The following CALD1 variants were observed in gnomAD, a reference collection of about 807,000 sequenced individuals.
CALD1 encodes caldesmon 1.
Under a neutral mutation model 99.9 loss-of-function variants are expected in CALD1, and 33 were observed. The ratio of observed to expected loss-of-function variants is 0.33; its 90% CI spans 0.25 to 0.44. The LOEUF (loss-of-function observed/expected upper bound fraction) is 0.44, where lower values mean the gene tolerates loss of function less well. Among genes scored for constraint, CALD1 ranks in the 20% least tolerant of loss-of-function variants. CALD1 has a pLI of 1.00. For missense variants in CALD1, 861 were observed against 962.1 expected (o/e 0.89, Z 1.39); for synonymous variants, 310 against 325.0 (o/e 0.95, Z 0.50).
chr7:134,937,348 T>G (rs976839928), intron 6 of CALD1, among the ~76,000 whole-genome samples: 1 of 152,156 alleles, frequency 6.6e-6, no homozygotes, highest in African/African-American at 2.4e-5. Context: ...GAGTGAGCCC[T>G]GCCGTTTTCC....
the CALD1 span, among the ~76,000 whole-genome samples, chr7:134,739,186 A>G: frequency 6.6e-6 from 1 of 152,240 alleles, no homozygotes. Context: ...AGCAAAAACT[A>G]TATGGAAGAG....
chr7:134,930,281 T>G (rs1393807180), intron 4 of CALD1, among the ~76,000 whole-genome samples: 1 of 152,172 alleles, frequency 6.6e-6, no homozygotes, highest in Non-Finnish European at 1.5e-5. Flanking sequence ...ATTATGCTAA[T>G]GGTTAGTATA....
intron 3 of CALD1, among the ~76,000 whole-genome samples, chr7:134,897,181 T>C (rs1166514318): frequency 1.3e-5 from 2 of 152,166 alleles, no homozygotes; most frequent in Non-Finnish European, 2.9e-5. Context: ...TTCTAGTGAA[T>C]ACTGCTGTAC....
At chr7:134,792,743 G>C (rs979871437) in intron 1 of CALD1, among the ~76,000 whole-genome samples, 1 of 152,076 alleles carries the variant, frequency 6.6e-6, no homozygotes, top group Non-Finnish European at 1.5e-5. Context: ...ATGAATACTC[G>C]GGGGAGATAC....
chr7:134,724,953 T>G, the CALD1 span, among the ~76,000 whole-genome samples: 7 of 152,354 alleles, frequency 4.6e-5, no homozygotes, highest in East Asian at 1.3e-3. Context: ...GGCTGGCTTC[T>G]GCATCCTTCT....
chr7:134,955,887 A>T (rs1584669134), intron 9 of CALD1, among the ~76,000 whole-genome samples: 1 of 152,192 alleles, frequency 6.6e-6, no homozygotes, highest in Non-Finnish European at 1.5e-5. Flanking sequence ...GGATAAAAAT[A>T]GGATAGATGG....
intron 1 of CALD1, among the ~76,000 whole-genome samples, chr7:134,787,186 A>T (rs1013981167): frequency 6.6e-6 from 1 of 152,072 alleles, no homozygotes; most frequent in Non-Finnish European, 1.5e-5. Flanking sequence ...CAAAACCTTT[A>T]GTTTTGCTTT....
chr7:134,758,316 T>C (rs773834552), intron 1 of CALD1, among the ~76,000 whole-genome samples: 11 of 152,258 alleles, frequency 7.2e-5, no homozygotes, highest in Non-Finnish European at 1.2e-4. Flanking sequence ...TTGACTCTAG[T>C]ATATTTCATT....
rs1162136227 is a variant in CALD1 at position 134,913,995 on chromosome 7, AC to A, written c.72-14758del. Among the ~76,000 whole-genome samples, 9 of 152,310 alleles carry A rather than the reference AC, an allele frequency of 5.9e-5. No individual in the cohort carries two copies. The East Asian group carries it at 1.5e-3, about 26-fold the overall frequency. On this transcript the variant is annotated intron_variant, in intron 3 of 14. Transcript: ENST00000361675. Reference sequence around the variant, plus strand: ...CTGGGTCAATCCTGATTTTGTAATTACTTTTATGAGTCATTTCACCTCTTAG... The same window carrying A: ...CTGGGTCAATCCTGATTTTGTAATTATTTTATGAGTCATTTCACCTCTTAG...
At chr7:134,934,172 C>G (rs1805768054) in intron 5 of CALD1, 95 bp downstream of exon 5, 1 of 1,512,506 alleles carries the variant, frequency 6.6e-7, no homozygotes. Context: ...ATGCATATAG[C>G]TCACATGCTT....
intron 13 of CALD1, among the ~76,000 whole-genome samples, chr7:134,963,416 G>T (rs892796473): frequency 6.6e-6 from 1 of 152,154 alleles, no homozygotes; most frequent in African/African-American, 2.4e-5. Context: ...ATTTAACTGT[G>T]CATTTTCAGT....
At chr7:134,913,263 T>C (rs1395003252) in intron 3 of CALD1, among the ~76,000 whole-genome samples, 2 of 151,270 alleles carry the variant, frequency 1.3e-5, no homozygotes, top group South Asian at 4.2e-4. Flanking sequence ...TGAATCTCCA[T>C]CTCAAAAAAG....
chr7:134,924,219 T>C (rs1804818910), intron 3 of CALD1, among the ~76,000 whole-genome samples: 1 of 152,166 alleles, frequency 6.6e-6, no homozygotes, highest in Non-Finnish European at 1.5e-5. Flanking sequence ...GTAGAATATA[T>C]CACATACTCA....
At chr7:134,733,816 A>T in the CALD1 span, among the ~76,000 whole-genome samples, 1 of 81,832 alleles carries the variant, frequency 1.2e-5, no homozygotes, top group Non-Finnish European at 2.3e-5. Flanking sequence ...CTCAAAAAAA[A>T]AAACAAAAAA....
At chr7:134,964,098 G>A (rs1291614313) in intron 13 of CALD1, among the ~76,000 whole-genome samples, 4 of 152,230 alleles carry the variant, frequency 2.6e-5, no homozygotes, top group Non-Finnish European at 5.9e-5. Context: ...TTGGGAGGCT[G>A]AGGCAGGAGA....
At chr7:134,797,175 A>G (rs2131817196) in intron 1 of CALD1, among the ~76,000 whole-genome samples, 1 of 152,278 alleles carries the variant, frequency 6.6e-6, no homozygotes, top group Non-Finnish European at 1.5e-5. Flanking sequence ...TGTAGAGACG[A>G]GGTTTCATTA....
chr7:134,729,720 T>G, the CALD1 span, among the ~76,000 whole-genome samples: 1 of 152,256 alleles, frequency 6.6e-6, no homozygotes, highest in Non-Finnish European at 1.5e-5. Flanking sequence ...AGATTCTTTC[T>G]GCTACCTTGA....
chr7:134,760,805 CAAAA>C (rs1288771212), intron 1 of CALD1, among the ~76,000 whole-genome samples: 1 of 152,128 alleles, frequency 6.6e-6, no homozygotes, highest in Non-Finnish European at 1.5e-5. Flanking sequence ...CAAAACGAAA[CAAAA>C]GAACAAAGTT....
chr7:134,864,491 C>T (rs767641482), intron 2 of CALD1, among the ~76,000 whole-genome samples: 9 of 151,612 alleles, frequency 5.9e-5, no homozygotes, highest in Non-Finnish European at 1.0e-4. Flanking sequence ...CTCCACCTCA[C>T]GAGTTCAAGT....
Sources: allele counts gnomAD v4.1 joint callset (sites outside exome capture counted in the v4.1 genomes callset), GRCh38; gene constraint gnomAD v4.1.1; transcripts MANE v1.5; gene names NCBI Gene and HGNC (gene_info 2026-07-23, HGNC 2026-07-21).